Variants in PDE1A observed in about 807,000 individuals in gnomAD.
PDE1A encodes dual specificity calcium/calmodulin-dependent 3',5'-cyclic nucleotide phosphodiesterase 1A.
In PDE1A, 35 loss-of-function variants were observed where a neutral mutation model predicts 61.7. The ratio of observed to expected loss-of-function variants is 0.57; its 90% CI spans 0.43 to 0.75. The LOEUF is 0.75. Ranked by LOEUF, PDE1A falls within the 30% of genes least tolerant of loss-of-function variation. PDE1A has a pLI of 0.00. For missense variants in PDE1A, 597 were observed against 630.6 expected (o/e 0.95, Z 0.57); for synonymous variants, 232 against 213.2 (o/e 1.09, Z -0.77).
At chr2:182,397,103 T>G (rs193084608) in intron 1 of PDE1A, among the ~76,000 whole-genome samples, 37 of 152,294 alleles carry the variant, frequency 2.4e-4, no homozygotes, top group Admixed American at 8.5e-4. Context: ...AGGCCTCACT[T>G]CTCTGTTCCC....
chr2:182,511,537 G>A (rs1051800030), intron 2 of PDE1A, among the ~76,000 whole-genome samples: 1 of 152,144 alleles, frequency 6.6e-6, no homozygotes, highest in Non-Finnish European at 1.5e-5. Context: ...AGTTGATAGG[G>A]GTGGGACTTA....
In PDE1A at chr2:182,190,206, T is replaced by C. The variant is rs112323073; in HGVS notation, c.1126-1146A>G. On this transcript the variant is annotated intron_variant, in intron 10 of 13. Coordinates refer to ENST00000351439, the Ensembl canonical transcript of PDE1A. ...AGAATTGTTGAGGAAAATCTAGATA[T>C]GGCCATCAAAGAAGTAGGAAAATAG... Among the ~76,000 whole-genome samples, 257 of 152,340 alleles carry C rather than the reference T, an allele frequency of 1.7e-3. 2 individuals are homozygous for C. Among genetic ancestry groups the C allele is most frequent in the Middle Eastern group, 0.01 (3 of 294 alleles).
At chr2:182,185,508 T>C in intron 13 of PDE1A, among the ~76,000 whole-genome samples, 1 of 152,158 alleles carries the variant, frequency 6.6e-6, no homozygotes, top group Non-Finnish European at 1.5e-5. Flanking sequence ...GTCTCTGACA[T>C]GAAGTGATAA....
At chr2:182,532,076 TACTACAACATGTATAAATCTTAAC>T in the PDE1A span, among the ~76,000 whole-genome samples, 1 of 151,792 alleles carries the variant, frequency 6.6e-6, no homozygotes, top group South Asian at 2.1e-4. Context: ...TACTGATGTG[TACTACAACATGTATAAATCTTAAC>T]ACCATTTTGG....
intron 2 of PDE1A, among the ~76,000 whole-genome samples, chr2:182,470,504 G>A (rs1031363903): frequency 6.6e-6 from 1 of 151,706 alleles, no homozygotes; most frequent in African/African-American, 2.4e-5. Context: ...TTCCTCTCTA[G>A]GAACTTATAG....
chr2:182,202,039 T>G (rs1686702123), intron 8 of PDE1A, among the ~76,000 whole-genome samples: 1 of 152,238 alleles, frequency 6.6e-6, no homozygotes, highest in South Asian at 2.1e-4. Flanking sequence ...AGCTAGTGCT[T>G]TCCCTTCTCA....
At chr2:182,364,800 G>T (rs1699745117) in intron 1 of PDE1A, among the ~76,000 whole-genome samples, 1 of 152,036 alleles carries the variant, frequency 6.6e-6, no homozygotes, top group South Asian at 2.1e-4. Context: ...CCCAGGTGTT[G>T]GTAGACATTG....
At chr2:182,275,336 G>A (rs1438480945) in intron 1 of PDE1A, among the ~76,000 whole-genome samples, 1 of 152,038 alleles carries the variant, frequency 6.6e-6, no homozygotes, top group Non-Finnish European at 1.5e-5. Context: ...CACCTATCCT[G>A]ACTTTATATG....
chr2:182,184,761 C>A (rs745377856), intron 13 of PDE1A, among the ~76,000 whole-genome samples: 6 of 152,100 alleles, frequency 3.9e-5, no homozygotes, highest in Non-Finnish European at 8.8e-5. Context: ...CTGGTCTATT[C>A]CCAAGGCCCA....
rs376719262 is a variant in PDE1A, at chr2:182,472,010, T to C, written c.101+50266A>G. Among the ~76,000 whole-genome samples the C allele has an allele frequency of 1.1e-4, 17 of 152,022 alleles. No homozygotes were observed. In the East Asian group the frequency reaches 2.1e-3, roughly 19 times the overall value. On this transcript the variant is annotated intron_variant, in intron 2 of 14. Transcript: ENST00000410103. ...AATGCAAATTAATATCACAATTAGA[T>C]ACCATCTTACACTAACGAGAATGAC... is the stretch of plus-strand genomic sequence containing the variant.
chr2:182,477,960 T>A (rs1006765071), intron 2 of PDE1A, among the ~76,000 whole-genome samples: 2 of 151,822 alleles, frequency 1.3e-5, no homozygotes, highest in African/African-American at 4.8e-5. Context: ...GGTGGGATTT[T>A]ATTGCAGGAG....
chr2:182,381,290 C>A (rs1373855915), intron 1 of PDE1A, among the ~76,000 whole-genome samples: 2 of 151,870 alleles, frequency 1.3e-5, no homozygotes, highest in Non-Finnish European at 2.9e-5. Context: ...AGCTTTCTAT[C>A]AGCTCCCACT....
chr2:182,501,161 C>T (rs1296469262), intron 2 of PDE1A, among the ~76,000 whole-genome samples: 1 of 152,182 alleles, frequency 6.6e-6, no homozygotes, highest in Admixed American at 6.5e-5. Flanking sequence ...TGAATAGAGG[C>T]ACAACGACCC....
chr2:182,337,559 A>G (rs945163431), intron 1 of PDE1A, among the ~76,000 whole-genome samples: 4 of 152,172 alleles, frequency 2.6e-5, no homozygotes, highest in Non-Finnish European at 5.9e-5. Context: ...GCTTTTCACT[A>G]GAGTTTCCAA....
intron 1 of PDE1A, among the ~76,000 whole-genome samples, chr2:182,312,388 A>G (rs1696040755): frequency 6.6e-6 from 1 of 152,108 alleles, no homozygotes; most frequent in African/African-American, 2.4e-5. Flanking sequence ...TCAAGATCAC[A>G]AGGCTCTTCT....
At chr2:182,422,974 G>A (rs1703374309) in intron 1 of PDE1A, among the ~76,000 whole-genome samples, 1 of 152,130 alleles carries the variant, frequency 6.6e-6, no homozygotes, top group African/African-American at 2.4e-5. Flanking sequence ...TTCTCCTGAG[G>A]AAAAGGAGCA....
chr2:182,323,948 T>C (rs1696878807), intron 1 of PDE1A, among the ~76,000 whole-genome samples: 1 of 152,088 alleles, frequency 6.6e-6, no homozygotes, highest in African/African-American at 2.4e-5. Flanking sequence ...AGGCACAGCA[T>C]AGATTTTCTC....
At chr2:182,489,161 GA>G (rs1438082668) in intron 2 of PDE1A, among the ~76,000 whole-genome samples, 1 of 152,198 alleles carries the variant, frequency 6.6e-6, no homozygotes, top group East Asian at 1.9e-4. Flanking sequence ...ATGTATCTCA[GA>G]CAAGAGTGTA....
the PDE1A span, among the ~76,000 whole-genome samples, chr2:182,626,698 G>C: frequency 2.2e-5 from 2 of 91,902 alleles, no homozygotes; most frequent in Non-Finnish European, 4.3e-5. Context: ...AAAAAAAAAA[G>C]ATCAAAGAAC....
Sources: allele counts gnomAD v4.1 joint callset (sites outside exome capture counted in the v4.1 genomes callset), GRCh38; gene constraint gnomAD v4.1.1; transcripts MANE v1.5; gene names NCBI Gene and HGNC (gene_info 2026-07-23, HGNC 2026-07-21).